CFAP299: variants seen among roughly 807,000 people sequenced by gnomAD.
CFAP299 encodes cilia- and flagella-associated protein 299.
Under a neutral mutation model 27.0 loss-of-function variants are expected in CFAP299, and 21 were observed. The ratio of observed to expected loss-of-function variants is 0.78; its 90% confidence interval spans 0.55 to 1.12. The LOEUF (loss-of-function observed/expected upper bound fraction) is 1.12, where lower values mean the gene tolerates loss of function less well. Ranked by LOEUF, CFAP299 falls within the 50% of genes most tolerant of loss-of-function variation. The pLI is 0.00. For missense variants in CFAP299, 310 were observed against 276.6 expected, an observed-to-expected ratio of 1.12 and a Z score of -0.86; for synonymous variants, 104 against 98.1, an observed-to-expected ratio of 1.06 and a Z score of -0.36.
chr4:80,944,709 C>T, intron 4 of CFAP299, 101 bp from the exon 5 acceptor site: 1 of 793,966 alleles, frequency 1.3e-6, no homozygotes, highest in Non-Finnish European at 2.0e-6. Context: ...TGTTTGTATC[C>T]ACTTATCTTA....
intron 3 of CFAP299, among the ~76,000 whole-genome samples, chr4:80,721,903 T>A (rs1260091194): frequency 2.0e-5 from 3 of 152,058 alleles, no homozygotes; most frequent in African/African-American, 2.4e-5. Flanking sequence ...TTGTCAAACC[T>A]ACGAAATTAA....
At chr4:80,394,230 A>G (rs1032876619) in intron 2 of CFAP299, among the ~76,000 whole-genome samples, 15 of 152,108 alleles carry the variant, frequency 9.9e-5, no homozygotes, top group African/African-American at 3.6e-4. Flanking sequence ...GGACTAATAC[A>G]TATGTCTTCT....
At position 80,904,411 on chromosome 4, in the gene CFAP299, G is replaced by A. The variant is rs1335163856; in HGVS notation, c.476+34276G>A. 4.6e-5 allele frequency among the ~76,000 whole-genome samples: 7 copies of A among 152,246 alleles called. No homozygotes were observed. In the South Asian group the frequency reaches 6.2e-4, roughly 14 times the overall value. ...TCCACCCCAGGTCCTAGTCAGATTGGCAGTTGGGAACCTTTTGCTTGGGTT... is the reference window on the plus strand; with the variant it reads ...TCCACCCCAGGTCCTAGTCAGATTGACAGTTGGGAACCTTTTGCTTGGGTT... On this transcript the variant is annotated intron_variant, in intron 4 of 5. Coordinates refer to ENST00000358105, the MANE Select transcript of CFAP299 (RefSeq NM_152770.3).
chr4:80,374,589 C>T (rs1448493239), intron 2 of CFAP299, among the ~76,000 whole-genome samples: 1 of 152,096 alleles, frequency 6.6e-6, no homozygotes, highest in African/African-American at 2.4e-5. Context: ...TGTCCCAATC[C>T]CATGTGTCAG....
intron 1 of CFAP299, among the ~76,000 whole-genome samples, chr4:80,337,472 A>C (rs956312218): frequency 6.6e-6 from 1 of 150,786 alleles, no homozygotes; most frequent in African/African-American, 2.4e-5. Context: ...ATCTCGGCTC[A>C]CTGCAACCTC....
At chr4:80,841,985 G>T (rs962763122) in intron 3 of CFAP299, among the ~76,000 whole-genome samples, 1 of 152,124 alleles carries the variant, frequency 6.6e-6, no homozygotes, top group Non-Finnish European at 1.5e-5. Context: ...TTCTCAGTGT[G>T]TGAGCAAGGA....
chr4:80,946,278 G>T (rs977093069), intron 5 of CFAP299, among the ~76,000 whole-genome samples: 2 of 151,978 alleles, frequency 1.3e-5, no homozygotes, highest in Admixed American at 1.3e-4. Flanking sequence ...GATGGTGACA[G>T]TCCAAGGTTT....
intron 4 of CFAP299, among the ~76,000 whole-genome samples, chr4:80,923,655 A>C (rs1462381975): frequency 6.6e-6 from 1 of 152,048 alleles, no homozygotes; most frequent in African/African-American, 2.4e-5. Context: ...GCTAGTATTT[A>C]ATTAACAAAT....
chr4:80,322,665 T>A, the CFAP299 span, among the ~76,000 whole-genome samples: 2 of 152,234 alleles, frequency 1.3e-5, no homozygotes, highest in African/African-American at 4.8e-5. Context: ...TCAGTAATCA[T>A]GTACAAATAA....
chr4:80,944,526 A>G (rs1050627611), intron 4 of CFAP299, among the ~76,000 whole-genome samples: 10 of 152,328 alleles, frequency 6.6e-5, no homozygotes, highest in Non-Finnish European at 2.9e-5. Context: ...ATCAATTTTC[A>G]TCTTGACTTC....
At chr4:80,445,072 G>A (rs953328202) in intron 2 of CFAP299, among the ~76,000 whole-genome samples, 7 of 152,128 alleles carry the variant, frequency 4.6e-5, no homozygotes, top group Admixed American at 6.5e-5. Context: ...TTATATTGTT[G>A]GTGGGAGTGT....
chr4:80,638,433 T>A (rs1311350275), intron 3 of CFAP299, among the ~76,000 whole-genome samples: 1 of 152,160 alleles, frequency 6.6e-6, no homozygotes, highest in Non-Finnish European at 1.5e-5. Context: ...TCTCCCTTGA[T>A]GAGAATGCAA....
chr4:80,844,267 C>T (rs1484521067), intron 3 of CFAP299, among the ~76,000 whole-genome samples: 1 of 151,986 alleles, frequency 6.6e-6, no homozygotes, highest in Non-Finnish European at 1.5e-5. Context: ...GGGTATATAC[C>T]TAGTAATGGG....
chr4:80,574,580 A>G (rs748326860), intron 2 of CFAP299, among the ~76,000 whole-genome samples: 1 of 152,110 alleles, frequency 6.6e-6, no homozygotes, highest in Non-Finnish European at 1.5e-5. Context: ...ATTAAGTATG[A>G]TACTAGCTGT....
chr4:80,376,643 C>T (rs1039312153), intron 2 of CFAP299, among the ~76,000 whole-genome samples: 4 of 151,934 alleles, frequency 2.6e-5, no homozygotes, highest in Non-Finnish European at 4.4e-5. Context: ...TGATGCTGAA[C>T]ATCTTTCTTC....
intron 3 of CFAP299, among the ~76,000 whole-genome samples, chr4:80,825,931 A>T (rs538324476): frequency 6.6e-6 from 1 of 151,934 alleles, no homozygotes; most frequent in South Asian, 2.1e-4. Flanking sequence ...AATAATTATT[A>T]GTCCAAAAAC....
At chr4:80,657,724 T>C (rs1176710744) in intron 3 of CFAP299, among the ~76,000 whole-genome samples, 1 of 152,166 alleles carries the variant, frequency 6.6e-6, no homozygotes, top group Non-Finnish European at 1.5e-5. Context: ...CTTTTTTGGG[T>C]TCCATATAAA....
chr4:80,485,273 T>A (rs911143077), intron 2 of CFAP299, among the ~76,000 whole-genome samples: 7 of 149,092 alleles, frequency 4.7e-5, no homozygotes, highest in East Asian at 1.9e-4. Context: ...ATATGAAATT[T>A]TATATATATA....
chr4:80,493,293 A>G (rs1309396884), intron 2 of CFAP299, among the ~76,000 whole-genome samples: 5 of 152,228 alleles, frequency 3.3e-5, no homozygotes, highest in Non-Finnish European at 1.5e-5. Context: ...ACACTCACCG[A>G]TGGTGGGTGC....
Sources: allele counts gnomAD v4.1 joint callset (sites outside exome capture counted in the v4.1 genomes callset), GRCh38; gene constraint gnomAD v4.1.1; transcripts MANE v1.5; gene names NCBI Gene and HGNC (gene_info 2026-07-23, HGNC 2026-07-21).